TNS1: variants seen among roughly 807,000 people sequenced by gnomAD.
TNS1 encodes the protein tensin 1.
Under a neutral mutation model 168.6 loss-of-function variants are expected in TNS1, and 62 were observed. The ratio of observed to expected loss-of-function variants is 0.37; its 90% CI spans 0.30 to 0.45. The LOEUF is 0.45. Ranked by LOEUF, TNS1 falls within the 20% of genes least tolerant of loss-of-function variation. TNS1 has a pLI of 1.00. For missense variants in TNS1, 2,240 were observed against 2,339.4 expected, an observed-to-expected ratio of 0.96 and a Z score of 0.88; for synonymous variants, 934 against 933.2, an observed-to-expected ratio of 1.00 and a Z score of -0.02.
chr2:217,899,679 T>C (rs1290195874), intron 7 of TNS1, among the ~76,000 whole-genome samples: 5 of 152,184 alleles, frequency 3.3e-5, no homozygotes, highest in African/African-American at 7.2e-5. Flanking sequence ...GACCCGCCCC[T>C]GTCTACAGGC....
At chr2:217,821,143 G>A (rs1942785710) in intron 23 of TNS1, among the ~76,000 whole-genome samples, 1 of 152,164 alleles carries the variant, frequency 6.6e-6, no homozygotes, top group Non-Finnish European at 1.5e-5. Context: ...ACTCATGTGT[G>A]GGCTTTGGGC....
intron 18 of TNS1, among the ~76,000 whole-genome samples, chr2:217,875,521 C>A (rs758063224): frequency 6.6e-6 from 1 of 152,218 alleles, no homozygotes; most frequent in Non-Finnish European, 1.5e-5. Context: ...TTACCAGAGA[C>A]ACCCAGAACC....
chr2:218,013,035 G>T (rs1347301990), upstream of TNS1, among the ~76,000 whole-genome samples: 19 of 151,718 alleles, frequency 1.3e-4, no homozygotes, highest in Non-Finnish European at 1.5e-5. Flanking sequence ...ATCACTTGAG[G>T]TCAGGAGTTC....
intron 2 of TNS1, among the ~76,000 whole-genome samples, chr2:217,985,182 C>A (rs1163140940): frequency 1.3e-5 from 2 of 151,794 alleles, no homozygotes; most frequent in Non-Finnish European, 2.9e-5. Context: ...AGATTGGACA[C>A]CCTGTTCTAG....
At chr2:217,913,670 G>A (rs116427706) in intron 4 of TNS1, among the ~76,000 whole-genome samples, 18 of 152,230 alleles carry the variant, frequency 1.2e-4, no homozygotes, top group African/African-American at 4.3e-4. Flanking sequence ...CAGGGACCCA[G>A]GATAGCCCTT....
At chr2:217,832,531 C>T (rs892551284) in intron 21 of TNS1, among the ~76,000 whole-genome samples, 1 of 152,216 alleles carries the variant, frequency 6.6e-6, no homozygotes, top group African/African-American at 2.4e-5. Context: ...GGATACTCTG[C>T]CTGCCGAATG....
chr2:217,865,719 A>T (rs1055277531), intron 18 of TNS1, among the ~76,000 whole-genome samples: 15 of 152,308 alleles, frequency 9.8e-5, no homozygotes, highest in African/African-American at 3.4e-4. Context: ...TGGCCCAGGG[A>T]TTGAACAACT....
upstream of TNS1, among the ~76,000 whole-genome samples, chr2:218,007,571 G>A (rs1459665011): frequency 1.6e-5 from 2 of 128,286 alleles, no homozygotes; most frequent in Admixed American, 7.9e-5. Flanking sequence ...GGGGGTGGGG[G>A]GGGGGGTTCA....
intron 17 of TNS1, chr2:217,881,229 C>T (rs1311995951): frequency 2.1e-5 from 12 of 562,464 alleles, no homozygotes; most frequent in African/African-American, 7.5e-5. Context: ...AGGCTCATGC[C>T]GGGTCATAGG....
chr2:217,848,563 T>G lies in TNS1; in HGVS notation c.1954A>C (p.Asn652His), dbSNP rs1157000630. The change falls in exon 19 of 33, where the codon AAC becomes CAC. Residue 652 changes from asparagine (N) to histidine (H), a missense_variant. Asn to His is a moderately conservative substitution (Grantham distance 68). This residue lies in a region of TNS1 where 2,131 missense variants were observed against 2,171.2 expected (regional missense o/e 0.98). Transcript: ENST00000682258. ...TCTGGGTAGCCCCCCTCACTGGTGTTGGTGACCCCGTCCAGAGAAGAGAGT... is the reference window on the plus strand; with the variant it reads ...TCTGGGTAGCCCCCCTCACTGGTGTGGGTGACCCCGTCCAGAGAAGAGAGT... ...GTLSSLDGVT[N>H]TSEGGYPEAL... 3 of 1,614,128 alleles carry G rather than the reference T, an allele frequency of 1.9e-6. No individual in the cohort carries two copies. Among genetic ancestry groups the G allele is most frequent in the Non-Finnish European group, 2.5e-6 (3 of 1,179,984 alleles).
intron 18 of TNS1, among the ~76,000 whole-genome samples, chr2:217,869,674 A>G (rs545430557): frequency 8.5e-5 from 13 of 152,248 alleles, no homozygotes; most frequent in Non-Finnish European, 1.6e-4. Context: ...CTGTGGACGC[A>G]TCTACTGCGG....
intron 22 of TNS1, among the ~76,000 whole-genome samples, chr2:217,827,299 A>C (rs1943760223): frequency 6.6e-6 from 1 of 152,188 alleles, no homozygotes; most frequent in African/African-American, 2.4e-5. Context: ...CCCTCAAATT[A>C]TTCTTTTCCC....
Position 217,880,994 on chromosome 2 carries a change from C to G in TNS1, c.1333G>C (p.Gly445Arg), listed in dbSNP as rs138239490. ...KIQGMEHLEN[G>R]PSVSVDYNTS... ...TTATAGTCCACAGACACGCTCGGCC[C>G]GTTCTCCAGGTGCTCCATGCCTAAG... Residue 445 changes from glycine (G) to arginine (R), a missense_variant, in exon 18 of 33, where the codon GGG (glycine) becomes CGG (arginine). Around this residue, in one of 2 missense-constraint regions of TNS1, gnomAD observed 2,131 missense variants for 2,171.2 expected, o/e 0.98. Coordinates refer to ENST00000682258, the MANE Select transcript of TNS1 (RefSeq NM_001387777.1). This position sits in a 1 kb window ranked among gnomAD's most constrained non-coding sequence, Gnocchi z 4.2. 4.7e-3 allele frequency: 7,663 copies of G among 1,613,888 alleles called. 21 individuals carry two copies. The highest frequency in any genetic ancestry group is 7.8e-3 in the Admixed American group (469 of 60,016).
At chr2:217,962,998 G>A (rs774248187) in intron 3 of TNS1, among the ~76,000 whole-genome samples, 29 of 152,166 alleles carry the variant, frequency 1.9e-4, no homozygotes, top group Non-Finnish European at 2.6e-4. Context: ...GTTGGGTGAA[G>A]GATATAAGGA....
At chr2:217,841,958 C>T (rs1460370083) in intron 19 of TNS1, 2 of 645,034 alleles carry the variant, frequency 3.1e-6, no homozygotes, top group African/African-American at 1.8e-5. Context: ...TTTCCTTGCC[C>T]CTTGTTGACT....
At chr2:218,012,508 C>T (rs1958714816), upstream of TNS1, among the ~76,000 whole-genome samples, 1 of 152,120 alleles carries the variant, frequency 6.6e-6, no homozygotes, top group Non-Finnish European at 1.5e-5. Flanking sequence ...CCAGCCACTG[C>T]CCAGCATGAG....
chr2:217,837,145 A>T (rs1373359743), intron 19 of TNS1, among the ~76,000 whole-genome samples: 1 of 151,954 alleles, frequency 6.6e-6, no homozygotes, highest in Admixed American at 6.6e-5. Flanking sequence ...CTGGGAAGAG[A>T]TTCCCCGCCC....
intron 3 of TNS1, among the ~76,000 whole-genome samples, chr2:217,977,740 T>C (rs1293002761): frequency 2.0e-5 from 3 of 152,188 alleles, no homozygotes; most frequent in African/African-American, 7.2e-5. Flanking sequence ...ACCCAGCTAA[T>C]AAGAAGCAAA....
chr2:217,987,381 T>C (rs1200361443), intron 2 of TNS1, among the ~76,000 whole-genome samples: 1 of 152,176 alleles, frequency 6.6e-6, no homozygotes, highest in Non-Finnish European at 1.5e-5. Context: ...ATGTCCACCC[T>C]CTTAGTTTCC....
Sources: gnomAD v4.1 joint callset for allele counts (sites outside exome capture counted in the v4.1 genomes callset) on GRCh38, gnomAD v4.1.1 for gene constraint, gnomAD v4.1.1 regional missense constraint, Gnocchi (gnomAD v3.1) non-coding constraint, MANE v1.5 for transcripts, NCBI Gene and HGNC (gene_info 2026-07-23, HGNC 2026-07-21) for gene names.